The following SEMA7A variants were observed in gnomAD, a reference collection of about 807,000 sequenced individuals.
SEMA7A encodes the protein semaphorin-7A.
SEMA7A carries 21 observed loss-of-function variants against 67.5 expected under a neutral mutation model. The observed-to-expected ratio is 0.31, with a 90% CI of 0.22 to 0.45. SEMA7A has a LOEUF of 0.45. SEMA7A is among the 20% of genes least tolerant of loss of function. SEMA7A has a pLI of 1.00. For synonymous variants in SEMA7A, 364 were observed against 368.5 expected (o/e 0.99, Z 0.14); for missense variants, 774 against 908.6 (o/e 0.85, Z 1.90).
In SEMA7A at chr15:74,414,689, G is replaced by A; in HGVS notation, c.1152C>T (p.His384=). The A allele has an allele frequency of 6.2e-7, 1 of 1,614,160 alleles. No individual in the cohort carries two copies. The highest frequency in any genetic ancestry group is 8.5e-7 in the Non-Finnish European group (1 of 1,180,030). ...PTETFQVADR[H]PEVAQRVEPM... is the part of the protein sequence containing the mutation. ...GCTCCACCCTCTGCGCCACCTCTGG[G>A]TGACGGTCAGCCACCTGGAAGGTCT... Residue 384 remains histidine, a synonymous_variant, in exon 10 of 14, where the codon CAC becomes CAT. Transcript: ENST00000261918. This position sits in a 1 kb window ranked among gnomAD's most constrained non-coding sequence, Gnocchi z 4.1.
Position 74,410,362 on chromosome 15 carries a change from C to A in SEMA7A, c.*262G>T. 2.1e-6 allele frequency: 1 copy of A among 465,180 alleles called. No individual in the cohort carries two copies. The highest frequency in any genetic ancestry group is 3.8e-6 in the Non-Finnish European group (1 of 266,218). 28.8% of individuals were successfully genotyped at this position (465,180 alleles called of 1,614,324 possible). Reference sequence around the variant, plus strand: ...GTTTGAGGAGTCTGAAAAATATTTTCCAGAAGATAAAGTCTTGGGTCATCG... The same window carrying A: ...GTTTGAGGAGTCTGAAAAATATTTTACAGAAGATAAAGTCTTGGGTCATCG... On this transcript the variant is annotated 3_prime_UTR_variant, in exon 14 of 14. Transcript: ENST00000261918. The surrounding 1 kb of genome is among the most constrained non-coding windows in gnomAD (Gnocchi z 7.5).
intron 1 of SEMA7A, among the ~76,000 whole-genome samples, chr15:74,432,799 G>C (rs1298812442): frequency 6.6e-6 from 1 of 152,138 alleles, no homozygotes; most frequent in Non-Finnish European, 1.5e-5. Context: ...GAATCGGACT[G>C]GGGGCGGGGA....
chr15:74,418,801 C>T lies in SEMA7A; in HGVS notation c.330G>A (p.Thr110=). The T allele has an allele frequency of 6.2e-7, 1 of 1,613,426 alleles. No homozygotes were observed. Among genetic ancestry groups the T allele is most frequent in the Non-Finnish European group, 8.5e-7 (1 of 1,179,784 alleles). ...FPEGKNASVR[T]VNIGSTKGSC... ...GTGTTGGGGGAAGAGAGAGGCTCAC[C>T]GTGCGCACAGATGCGTTCTTGCCCT... Residue 110 remains threonine (T), a splice_region_variant and synonymous_variant, in exon 2 of 14, where the codon ACG becomes ACA. Transcript: ENST00000261918.
At chr15:74,416,217 G>A (rs138845632) in intron 7 of SEMA7A, among the ~76,000 whole-genome samples, 155 of 152,172 alleles carry the variant, frequency 1.0e-3, no homozygotes, top group Admixed American at 2.2e-3. Flanking sequence ...CCAGGGTCAG[G>A]GCAGGTGAGA....
Position 74,414,327 on chromosome 15 carries a change from G to T in SEMA7A, c.1294+220C>A, listed in dbSNP as rs2060926833. On this transcript the variant is annotated intron_variant, in intron 10 of 13. Coordinates refer to ENST00000261918, the MANE Select transcript of SEMA7A (RefSeq NM_003612.5). This position sits in a 1 kb window ranked among gnomAD's most constrained non-coding sequence, Gnocchi z 4.1. ...TTTCCGCCTCCAAATCCCAGTGCTT[G>T]CTTTTCTCCCATCCCCCTTTCCCTC... 6.6e-6 allele frequency among the ~76,000 whole-genome samples: 1 copy of T among 152,124 alleles called. No individual in the cohort carries two copies. Among genetic ancestry groups the T allele is most frequent in the African/African-American group, 2.4e-5 (1 of 41,408 alleles).
intron 10 of SEMA7A, among the ~76,000 whole-genome samples, chr15:74,412,508 C>T (rs991105606): frequency 6.6e-6 from 1 of 152,198 alleles, no homozygotes; most frequent in East Asian, 1.9e-4. Context: ...GCTGCTTCTA[C>T]AACTCCCCTG....
chr15:74,415,843 T>C lies in SEMA7A; in HGVS notation c.944A>G (p.Gln315Arg). 1 of 1,613,950 alleles carries C rather than the reference T, an allele frequency of 6.2e-7. No individual in the cohort carries two copies. The change falls in exon 8 of 14, where the codon CAG becomes CGG. Residue 315 changes from glutamine (Q) to arginine (R), a missense_variant. Physicochemically the swap from Gln to Arg is conservative, Grantham distance 43. Coordinates refer to ENST00000261918, the MANE Select transcript of SEMA7A (RefSeq NM_003612.5). ...DVFLLPDPSG[Q>R]WRDTRVYGVF... ...ACCATAGACCCTGGTGTCCCTCCAC[T>C]GGCCGCTGGGGTCAGGGAGCAGGAA... is the stretch of plus-strand genomic sequence containing the variant.
Position 74,414,858 on chromosome 15 carries a change from G to A in SEMA7A, c.1075C>T (p.Pro359Ser). Reference sequence around the variant, plus strand: ...CTCACCTTGCCAGGCCGCGGGTTGGGAAGGCTTGAGTGGTAGCCCTTGAGT... The same window carrying A: ...CTCACCTTGCCAGGCCGCGGGTTGGAAAGGCTTGAGTGGTAGCCCTTGAGT... Reference protein sequence around the residue: ...SSLKGYHSSLPNPRPGKCLPD... With the variant: ...SSLKGYHSSLSNPRPGKCLPD... The change falls in exon 9 of 14, where the codon CCC (proline) becomes TCC (serine). Residue 359 changes from proline to serine, a missense_variant. Physicochemically the swap from Pro to Ser is moderately conservative, Grantham distance 74 (BLOSUM62 -1). Around this residue, in one of 2 missense-constraint regions of SEMA7A, gnomAD observed 427 missense variants for 555.4 expected, o/e 0.77. Coordinates refer to ENST00000261918, the MANE Select transcript of SEMA7A (RefSeq NM_003612.5). The surrounding 1 kb of genome is among the most constrained non-coding windows in gnomAD (Gnocchi z 4.1). 6.2e-7 allele frequency: 1 copy of A among 1,614,226 alleles called. No homozygotes were observed. The highest frequency in any genetic ancestry group is 8.5e-7 in the Non-Finnish European group (1 of 1,180,030).
intron 1 of SEMA7A, among the ~76,000 whole-genome samples, chr15:74,420,325 G>A (rs2060989559): frequency 6.6e-6 from 1 of 152,212 alleles, no homozygotes; most frequent in African/African-American, 2.4e-5. Flanking sequence ...GGCGCACTGT[G>A]CAGAGAAGAA....
intron 1 of SEMA7A, among the ~76,000 whole-genome samples, chr15:74,420,723 C>T (rs2060993268): frequency 6.6e-6 from 1 of 152,164 alleles, no homozygotes; most frequent in Non-Finnish European, 1.5e-5. Flanking sequence ...GCTCCCGTAA[C>T]TCCCCTTCCA....
intron 1 of SEMA7A, chr15:74,427,279 T>C (rs1567078530): frequency 1.0e-6 from 1 of 985,408 alleles, no homozygotes; most frequent in Non-Finnish European, 1.2e-6. Context: ...AAGTCTTCCA[T>C]TCCCAGGGAG....
At chr15:74,417,744 T>C in intron 4 of SEMA7A, 69 bp from the exon 5 acceptor site, 1 of 1,551,094 alleles carries the variant, frequency 6.4e-7, no homozygotes, top group Non-Finnish European at 8.8e-7. Flanking sequence ...ACGGCCAGTT[T>C]CTCGGCCAGG....
chr15:74,426,232 G>A (rs1210862358), intron 1 of SEMA7A, among the ~76,000 whole-genome samples: 2 of 152,064 alleles, frequency 1.3e-5, no homozygotes, highest in Non-Finnish European at 1.5e-5. Flanking sequence ...CTGAGACCAC[G>A]CCACTGCACT....
chr15:74,423,478 C>A lies in SEMA7A; in HGVS notation c.179-4526G>T, dbSNP rs1237473790. ...CAAGTTTCCAGTACCCATTACCCAG[C>A]TGCTTCTCTCCAGGATCACATCCTG... is the stretch of plus-strand genomic sequence containing the variant. On this transcript the variant is annotated intron_variant, in intron 1 of 13. Coordinates refer to ENST00000261918, the MANE Select transcript of SEMA7A (RefSeq NM_003612.5). The surrounding 1 kb of genome is among the most constrained non-coding windows in gnomAD (Gnocchi z 4.1). 1.3e-5 allele frequency among the ~76,000 whole-genome samples: 2 copies of A among 152,168 alleles called. No homozygotes were observed. The highest frequency in any genetic ancestry group is 2.9e-5 in the Non-Finnish European group (2 of 68,026).
intron 1 of SEMA7A, among the ~76,000 whole-genome samples, chr15:74,428,553 G>A (rs951802844): frequency 1.3e-5 from 2 of 152,246 alleles, no homozygotes; most frequent in African/African-American, 4.8e-5. Flanking sequence ...TTCCTCAGAG[G>A]AACTGAGAAA....
rs1459347024 is a variant in SEMA7A at position 74,411,380 on chromosome 15, G to A, written c.1578-24C>T. 2.5e-6 allele frequency: 4 copies of A among 1,612,468 alleles called. No homozygotes were observed. Among genetic ancestry groups the A allele is most frequent in the East Asian group, 2.2e-5 (1 of 44,872 alleles). On this transcript the variant is annotated intron_variant, in intron 12 of 13. Coordinates refer to ENST00000261918, the MANE Select transcript of SEMA7A (RefSeq NM_003612.5). The surrounding 1 kb of genome is among the most constrained non-coding windows in gnomAD (Gnocchi z 4.4). Reference sequence around the variant, plus strand: ...ACCTGGAGTGGGAAGGACGAAAGAGGATCAGCAGATACAAGGCTGCAGACC... The same window carrying A: ...ACCTGGAGTGGGAAGGACGAAAGAGAATCAGCAGATACAAGGCTGCAGACC...
rs557208036 is a variant in SEMA7A, at chr15:74,424,519, G to A, written c.179-5567C>T. On this transcript the variant is annotated intron_variant, in intron 1 of 13. Transcript: ENST00000261918. ...AGAAGGCAGGACAACCTGTATTGCC[G>A]TTTTACAAACAGGAAAACTAATGCC... Among the ~76,000 whole-genome samples, 42 of 152,284 alleles carry A rather than the reference G, an allele frequency of 2.8e-4. 1 individual carries two copies. In the South Asian group the frequency reaches 5.8e-3, roughly 21 times the overall value.
intron 7 of SEMA7A, 49 bp downstream of exon 7, chr15:74,416,526 C>A: frequency 1.3e-6 from 2 of 1,596,212 alleles, no homozygotes; most frequent in Non-Finnish European, 1.7e-6. Flanking sequence ...CTCACTCAGG[C>A]CTATTCATGC....
At chr15:74,412,557 A>T (rs982257544) in intron 10 of SEMA7A, among the ~76,000 whole-genome samples, 3 of 150,130 alleles carry the variant, frequency 2.0e-5, no homozygotes, top group African/African-American at 7.3e-5. Flanking sequence ...CTTTAAATAC[A>T]TTTTTTTTTT....
Sources: gnomAD v4.1 joint callset for allele counts (sites outside exome capture counted in the v4.1 genomes callset) on GRCh38, gnomAD v4.1.1 for gene constraint, gnomAD v4.1.1 regional missense constraint, Gnocchi (gnomAD v3.1) non-coding constraint, MANE v1.5 for transcripts, NCBI Gene and HGNC (gene_info 2026-07-23, HGNC 2026-07-21) for gene names.